The following SLC38A4 variants were observed in gnomAD, a reference collection of about 807,000 sequenced individuals.
SLC38A4 encodes the protein solute carrier family 38 member 4.
In SLC38A4, 20 loss-of-function variants were observed where a neutral mutation model predicts 63.1. The ratio of observed to expected loss-of-function variants is 0.32; its 90% CI spans 0.22 to 0.46. The LOEUF (loss-of-function observed/expected upper bound fraction) is 0.46. Ranked by LOEUF, SLC38A4 falls within the 20% of genes least tolerant of loss-of-function variation. The pLI is 1.00. For synonymous variants in SLC38A4, 230 were observed against 225.5 expected, an observed-to-expected ratio of 1.02 and a Z score of -0.18; for missense variants, 526 against 663.6, an observed-to-expected ratio of 0.79 and a Z score of 2.28.
In SLC38A4 at chr12:46,792,959, A is replaced by G. The variant is rs372761233; in HGVS notation, c.113T>C (p.Met38Thr). Residue 38 changes from methionine (M) to threonine (T), a missense_variant, in exon 3 of 17, where the codon ATG becomes ACG. Coordinates refer to ENST00000266579, the MANE Select transcript of SLC38A4 (RefSeq NM_018018.5). Reference protein sequence around the residue: ...IGIGNSEKAAMSSQFANEDTE... With the variant: ...IGIGNSEKAATSSQFANEDTE... ...GTAATTTTTAACCCCATACCTGCTCATTGCTGCCTTTTCTGAATTTCCTAT... is the reference window on the plus strand; with the variant it reads ...GTAATTTTTAACCCCATACCTGCTCGTTGCTGCCTTTTCTGAATTTCCTAT... 9 of 1,611,630 alleles carry G rather than the reference A, an allele frequency of 5.6e-6. No individual in the cohort carries two copies. Among genetic ancestry groups the G allele is most frequent in the Non-Finnish European group, 6.8e-6 (8 of 1,178,160 alleles).
rs140964060 is a variant in SLC38A4, at chr12:46,787,008, G to A, written c.326+908C>T. On this transcript the variant is annotated intron_variant, in intron 5 of 16. Transcript: ENST00000266579. ...ATTCCACTGCTGCCAACTATATCCT[G>A]GAAAATGCCAGGCTGTACATGATGC... Among the ~76,000 whole-genome samples, 343 of 152,278 alleles carry A rather than the reference G, an allele frequency of 2.3e-3. 1 individual carries two copies. The highest frequency in any genetic ancestry group is 8.0e-3 in the African/African-American group (333 of 41,564).
At chr12:46,769,457 C>A (rs754111413) in intron 14 of SLC38A4, 29 bp from the exon 15 acceptor site, 52 of 1,600,176 alleles carry the variant, frequency 3.2e-5, no homozygotes, top group Non-Finnish European at 4.1e-5. Flanking sequence ...AAGGCAAGAT[C>A]ATTTCTTTGT....
chr12:46,784,269 G>A lies in SLC38A4; in HGVS notation c.493+273C>T, dbSNP rs12826359. 4.2e-3 allele frequency among the ~76,000 whole-genome samples: 634 copies of A among 152,182 alleles called. 2 individuals carry two copies. The highest frequency in any genetic ancestry group is 0.024 in the Middle Eastern group (7 of 294). On this transcript the variant is annotated intron_variant, in intron 7 of 16. Transcript: ENST00000266579. ...ATTTTTAAGAGTAATAATTCATGCT[G>A]TAATAACATTAAAAATCAAGAAAGC...
At chr12:46,791,884 G>A (rs1196817158) in intron 3 of SLC38A4, among the ~76,000 whole-genome samples, 1 of 152,046 alleles carries the variant, frequency 6.6e-6, no homozygotes, top group Admixed American at 6.6e-5. Flanking sequence ...GGAGAAAGGG[G>A]GAGCAGGTGA....
chr12:46,823,026 G>A (rs1482890944), intron 1 of SLC38A4, among the ~76,000 whole-genome samples: 1 of 152,038 alleles, frequency 6.6e-6, no homozygotes, highest in Non-Finnish European at 1.5e-5. Flanking sequence ...TTCAAAAACT[G>A]CATTACTTCC....
intron 2 of SLC38A4, among the ~76,000 whole-genome samples, chr12:46,798,611 A>G (rs1939064705): frequency 6.6e-6 from 1 of 152,172 alleles, no homozygotes; most frequent in South Asian, 2.1e-4. Flanking sequence ...CTTCAGTTAA[A>G]GTCTGTTCTA....
intron 3 of SLC38A4, 22 bp downstream of exon 3, chr12:46,792,931 A>T (rs1287381526): frequency 1.3e-6 from 2 of 1,543,390 alleles, no homozygotes; most frequent in Non-Finnish European, 1.8e-6. Context: ...TCCATGGAAC[A>T]TAGTAATTTT....
chr12:46,770,492 A>T (rs1938394848), intron 14 of SLC38A4, among the ~76,000 whole-genome samples: 1 of 152,010 alleles, frequency 6.6e-6, no homozygotes, highest in Non-Finnish European at 1.5e-5. Flanking sequence ...AGCTTAAATT[A>T]AATTGAATAG....
At chr12:46,780,335 C>T (rs970637086) in intron 7 of SLC38A4, among the ~76,000 whole-genome samples, 1 of 152,002 alleles carries the variant, frequency 6.6e-6, no homozygotes, top group Admixed American at 6.6e-5. Context: ...ATAGCCCATA[C>T]TCAGTGTGCC....
At chr12:46,780,116 T>C (rs1276090755) in intron 7 of SLC38A4, 86 bp from the exon 8 acceptor site, 2 of 1,006,206 alleles carry the variant, frequency 2.0e-6, no homozygotes, top group East Asian at 2.4e-5. Flanking sequence ...ATATGTAAGA[T>C]GAACATCTAA....
At chr12:46,789,638 G>T (rs1263035586) in intron 3 of SLC38A4, among the ~76,000 whole-genome samples, 1 of 152,108 alleles carries the variant, frequency 6.6e-6, no homozygotes, top group Non-Finnish European at 1.5e-5. Flanking sequence ...AAATGTCACA[G>T]ACTTTTTAGT....
At chr12:46,831,939 C>A (rs962622159) in intron 1 of SLC38A4, among the ~76,000 whole-genome samples, 1 of 152,090 alleles carries the variant, frequency 6.6e-6, no homozygotes, top group South Asian at 2.1e-4. Context: ...GTGCGGGAGG[C>A]GGAGGTGCCC....
intron 1 of SLC38A4, among the ~76,000 whole-genome samples, chr12:46,806,395 G>A (rs1028321184): frequency 6.6e-6 from 1 of 151,878 alleles, no homozygotes; most frequent in African/African-American, 2.4e-5. Context: ...AAGAAAATCA[G>A]CATAGTAAAA....
At chr12:46,784,954 A>T in intron 6 of SLC38A4, 150 bp downstream of exon 6, 1 of 756,038 alleles carries the variant, frequency 1.3e-6, no homozygotes, top group Non-Finnish European at 2.2e-6. Flanking sequence ...TGCCCAAACA[A>T]CTATAAACAC....
At chr12:46,781,043 A>G (rs1423005566) in intron 7 of SLC38A4, among the ~76,000 whole-genome samples, 2 of 152,046 alleles carry the variant, frequency 1.3e-5, no homozygotes. Context: ...TCTTCACTTC[A>G]TATGAAAGTA....
At chr12:46,786,170 C>G (rs1938757991) in intron 5 of SLC38A4, among the ~76,000 whole-genome samples, 1 of 152,060 alleles carries the variant, frequency 6.6e-6, no homozygotes, top group African/African-American at 2.4e-5. Context: ...ATGAACTTAA[C>G]TGTTTTTAAG....
intron 10 of SLC38A4, 151 bp from the exon 11 acceptor site, chr12:46,778,927 G>C: frequency 1.4e-6 from 1 of 697,120 alleles, no homozygotes; most frequent in Non-Finnish European, 2.4e-6. Flanking sequence ...ACTTCCTCTA[G>C]CCTCTGTTCT....
chr12:46,794,752 T>C (rs1190239485), intron 2 of SLC38A4, among the ~76,000 whole-genome samples: 1 of 151,850 alleles, frequency 6.6e-6, no homozygotes. Context: ...CATTCCAATA[T>C]AGAGAATTGT....
rs1938728685 is a variant in SLC38A4, at chr12:46,784,999, A to G, written c.400+105T>C. 1.8e-5 allele frequency: 18 copies of G among 1,007,522 alleles called. No individual in the cohort carries two copies. In the South Asian group the frequency reaches 2.5e-4, roughly 14 times the overall value. The allele number at this position is 1,007,522 out of a possible 1,614,324, so 62.4% of individuals were successfully genotyped here. A position where few individuals can be genotyped will look rare whatever the true frequency, so the allele number is the denominator to read the frequency against. On this transcript the variant is annotated intron_variant, in intron 6 of 16. Coordinates refer to ENST00000266579, the MANE Select transcript of SLC38A4 (RefSeq NM_018018.5). ...GTGTCACTGGGCTCAGAAGAAAATG[A>G]AATGTGAAACTGACTATAATCATCC...
Sources: allele counts gnomAD v4.1 joint callset (sites outside exome capture counted in the v4.1 genomes callset), GRCh38; gene constraint gnomAD v4.1.1; transcripts MANE v1.5; gene names NCBI Gene and HGNC (gene_info 2026-07-23, HGNC 2026-07-21).